NTM: variants seen among roughly 807,000 people sequenced by gnomAD.
NTM encodes neurotrimin.
A neutral mutation model predicts 42.1 loss-of-function variants in NTM; 13 were observed. The ratio of observed to expected loss-of-function variants is 0.31; its 90% CI spans 0.20 to 0.49. The LOEUF (loss-of-function observed/expected upper bound fraction) is 0.49, where lower values mean the gene tolerates loss of function less well. Among genes scored for constraint, NTM ranks in the 20% least tolerant of loss-of-function variants. NTM has a pLI of 0.99. For synonymous variants in NTM, 187 were observed against 179.2 expected (o/e 1.04, Z -0.35); for missense variants, 373 against 452.8 (o/e 0.82, Z 1.60).
intron 1 of NTM, among the ~76,000 whole-genome samples, chr11:131,616,572 G>A (rs926158832): frequency 1.3e-5 from 2 of 152,176 alleles, no homozygotes; most frequent in African/African-American, 4.8e-5. Context: ...TAGTGACTTA[G>A]AATGAGATGG....
chr11:132,267,515 T>TA (rs373793255), intron 4 of NTM, among the ~76,000 whole-genome samples: 92 of 143,924 alleles, frequency 6.4e-4, no homozygotes, highest in Admixed American at 8.4e-4. Context: ...CAGATACCTT[T>TA]AAAAAAAAAA....
rs144624718 is a variant in NTM, at chr11:131,630,154, G to A, written c.82+259266G>A. On this transcript the variant is annotated intron_variant, in intron 1 of 8. Transcript: ENST00000683400. Reference sequence around the variant, plus strand: ...CACACGGCTCCATCTACCGGCAAAGGAGGTCGGGCCATGGTCTATTGAAAA... The same window carrying A: ...CACACGGCTCCATCTACCGGCAAAGAAGGTCGGGCCATGGTCTATTGAAAA... Among the ~76,000 whole-genome samples the A allele has an allele frequency of 1.2e-4, 18 of 152,316 alleles. 1 individual carries two copies. The highest frequency in any genetic ancestry group is 4.3e-4 in the African/African-American group (18 of 41,584).
At chr11:132,200,269 C>T (rs528798946) in intron 3 of NTM, among the ~76,000 whole-genome samples, 1 of 152,126 alleles carries the variant, frequency 6.6e-6, no homozygotes, top group African/African-American at 2.4e-5. Context: ...GTGTCTTCCT[C>T]GCAGCTGCCT....
At chr11:131,934,835 G>A (rs975649236) in intron 2 of NTM, among the ~76,000 whole-genome samples, 1 of 152,162 alleles carries the variant, frequency 6.6e-6, no homozygotes, top group African/African-American at 2.4e-5. Context: ...GGGGAGAGGT[G>A]GAGCAGACAG....
chr11:132,092,269 C>G (rs2060462588), intron 2 of NTM, among the ~76,000 whole-genome samples: 1 of 152,220 alleles, frequency 6.6e-6, no homozygotes, highest in Non-Finnish European at 1.5e-5. Context: ...AATTCCTAGG[C>G]ATTATTTATA....
At chr11:132,080,352 C>T (rs2058878991) in intron 2 of NTM, among the ~76,000 whole-genome samples, 1 of 152,202 alleles carries the variant, frequency 6.6e-6, no homozygotes, top group African/African-American at 2.4e-5. Context: ...AGCTGGGCTG[C>T]TTTTCAAAGA....
chr11:131,632,150 A>G (rs1394923631), intron 1 of NTM, among the ~76,000 whole-genome samples: 2 of 152,100 alleles, frequency 1.3e-5, no homozygotes, highest in African/African-American at 4.8e-5. Flanking sequence ...CACTGTATTT[A>G]TTTGGTGCTG....
chr11:131,664,675 A>G (rs929493812), intron 1 of NTM, among the ~76,000 whole-genome samples: 2 of 151,090 alleles, frequency 1.3e-5, no homozygotes, highest in African/African-American at 4.9e-5. Flanking sequence ...AGTAGATTTG[A>G]GATGTAGTTC....
At chr11:131,380,236 G>A (rs1468548482) in intron 1 of NTM, among the ~76,000 whole-genome samples, 2 of 137,614 alleles carry the variant, frequency 1.5e-5, no homozygotes, top group Non-Finnish European at 3.1e-5. Context: ...TTTTTGAGAT[G>A]GAGTCTCCTG....
intron 1 of NTM, among the ~76,000 whole-genome samples, chr11:131,649,084 T>C (rs1445146579): frequency 6.6e-6 from 1 of 152,164 alleles, no homozygotes; most frequent in East Asian, 1.9e-4. Context: ...GGAAGGTTGG[T>C]CACTCGAACA....
intron 1 of NTM, among the ~76,000 whole-genome samples, chr11:131,586,152 C>A (rs543322234): frequency 3.2e-4 from 49 of 152,136 alleles, no homozygotes; most frequent in African/African-American, 1.1e-3. Flanking sequence ...GTCACCCAGG[C>A]TAGAGTGCAG....
chr11:132,010,658 T>G (rs956061985), intron 2 of NTM, among the ~76,000 whole-genome samples: 1 of 150,270 alleles, frequency 6.7e-6, no homozygotes, highest in Non-Finnish European at 1.5e-5. Flanking sequence ...GGCTCTAATA[T>G]GAACTCTTTA....
At chr11:131,473,349 G>T (rs969320918) in intron 1 of NTM, among the ~76,000 whole-genome samples, 1 of 152,148 alleles carries the variant, frequency 6.6e-6, no homozygotes, top group Admixed American at 6.5e-5. Flanking sequence ...TCCTAAGGGA[G>T]TCCATGAGCA....
At chr11:131,675,418 A>T (rs975111211) in intron 1 of NTM, among the ~76,000 whole-genome samples, 1 of 152,208 alleles carries the variant, frequency 6.6e-6, no homozygotes, top group African/African-American at 2.4e-5. Context: ...ACCTTTGCCA[A>T]ATGCATTGTT....
intron 1 of NTM, among the ~76,000 whole-genome samples, chr11:131,446,834 G>A (rs972155131): frequency 6.6e-6 from 1 of 152,212 alleles, no homozygotes; most frequent in Admixed American, 6.5e-5. Context: ...CATCCTTACT[G>A]CTATCTAGAG....
intron 1 of NTM, among the ~76,000 whole-genome samples, chr11:131,453,382 T>C (rs1330367031): frequency 1.3e-5 from 2 of 152,180 alleles, no homozygotes; most frequent in African/African-American, 4.8e-5. Flanking sequence ...TTTTTCATTT[T>C]TAGGAGGCTT....
At chr11:131,998,206 G>T (rs1169459760) in intron 2 of NTM, among the ~76,000 whole-genome samples, 5 of 152,134 alleles carry the variant, frequency 3.3e-5, no homozygotes, top group Non-Finnish European at 7.4e-5. Context: ...GAAACCCTTG[G>T]AGTATATTTT....
intron 2 of NTM, among the ~76,000 whole-genome samples, chr11:132,145,302 A>T (rs1281218756): frequency 2.6e-5 from 4 of 152,228 alleles, no homozygotes; most frequent in Admixed American, 2.6e-4. Context: ...TGAGCTGTAA[A>T]AGTGCTTTGT....
intron 4 of NTM, among the ~76,000 whole-genome samples, chr11:132,245,425 G>A (rs574121031): frequency 6.6e-5 from 10 of 152,270 alleles, no homozygotes; most frequent in African/African-American, 9.6e-5. Flanking sequence ...GGATTGCAGA[G>A]GAGAGAGCAG....
Sources: allele counts gnomAD v4.1 joint callset (sites outside exome capture counted in the v4.1 genomes callset), GRCh38; gene constraint gnomAD v4.1.1; transcripts MANE v1.5; gene names NCBI Gene and HGNC (gene_info 2026-07-23, HGNC 2026-07-21).